Variants in IGF1R observed in about 807,000 individuals in gnomAD.
The protein encoded by IGF1R is insulin-like growth factor 1 receptor.
In IGF1R, 44 loss-of-function variants were observed where a neutral mutation model predicts 144.6. That is an observed-to-expected ratio of 0.30 (90% confidence interval 0.24 to 0.39). The LOEUF is 0.39. IGF1R is among the 10% of genes least tolerant of loss of function. The pLI is 1.00. For missense variants in IGF1R, 1,355 were observed against 1,833.7 expected, an observed-to-expected ratio of 0.74 and a Z score of 4.77; for synonymous variants, 795 against 722.8, an observed-to-expected ratio of 1.10 and a Z score of -1.60.
rs777591724 is a variant in IGF1R, at chr15:98,899,641, T to C, written c.1247+20T>C. 2 of 1,612,316 alleles carry C rather than the reference T, an allele frequency of 1.2e-6. No homozygotes were observed. The highest frequency in any genetic ancestry group is 1.7e-5 in the Admixed American group (1 of 60,014). ...AGAAGGGTAAGTGCCCCAAATTTCA[T>C]GAGCTGACGTTCTATTACAAAATAA... On this transcript the variant is annotated intron_variant, in intron 5 of 20. Transcript: ENST00000650285.
chr15:98,901,902 C>T (rs141402652), intron 5 of IGF1R, among the ~76,000 whole-genome samples: 16 of 152,218 alleles, frequency 1.1e-4, no homozygotes, highest in Non-Finnish European at 2.2e-4. Context: ...GCAACTAACA[C>T]TGGAGAGGTG....
chr15:98,852,729 C>T (rs1444968604), intron 2 of IGF1R, among the ~76,000 whole-genome samples: 1 of 152,196 alleles, frequency 6.6e-6, no homozygotes, highest in Non-Finnish European at 1.5e-5. Flanking sequence ...CTCCCGCCGT[C>T]GCTGCAGTTG....
At chr15:98,945,719 G>A (rs1445263366) in intron 19 of IGF1R, among the ~76,000 whole-genome samples, 2 of 152,162 alleles carry the variant, frequency 1.3e-5, no homozygotes, top group Non-Finnish European at 2.9e-5. Flanking sequence ...AGAAGTCTGC[G>A]GTACCTGAAT....
At chr15:98,814,426 C>T (rs562792878) in intron 2 of IGF1R, among the ~76,000 whole-genome samples, 4 of 152,172 alleles carry the variant, frequency 2.6e-5, no homozygotes, top group Non-Finnish European at 5.9e-5. Flanking sequence ...TCATAGCTCA[C>T]TGCAACCTCA....
intron 2 of IGF1R, among the ~76,000 whole-genome samples, chr15:98,876,636 G>C (rs2013075519): frequency 6.6e-6 from 1 of 152,192 alleles, no homozygotes; most frequent in South Asian, 2.1e-4. Flanking sequence ...ATCTTTGCGA[G>C]AACATTCCAA....
chr15:98,733,061 G>A (rs1296439999), intron 2 of IGF1R, among the ~76,000 whole-genome samples: 2 of 152,156 alleles, frequency 1.3e-5, no homozygotes, highest in African/African-American at 4.8e-5. Context: ...CTGCTACACA[G>A]AAAGATGTCT....
chr15:98,753,566 T>C (rs2055075609), intron 2 of IGF1R, among the ~76,000 whole-genome samples: 2 of 151,266 alleles, frequency 1.3e-5, no homozygotes, highest in East Asian at 1.9e-4. Context: ...AAATTCCTGC[T>C]CTTCAAGGAG....
Position 98,747,442 on chromosome 15 carries a change from C to T in IGF1R, c.640+39335C>T, listed in dbSNP as rs537132411. Among the ~76,000 whole-genome samples, 18 of 152,240 alleles carry T rather than the reference C, an allele frequency of 1.2e-4. No homozygotes were observed. The South Asian group carries it at 1.5e-3, about 12-fold the overall frequency. ...CGAACTCCTGACCTGGTGATCCGCC[C>T]GCCTCGGCCTCCCAAAGTGCTGGGA... is the stretch of plus-strand genomic sequence containing the variant. On this transcript the variant is annotated intron_variant, in intron 2 of 20. Coordinates refer to ENST00000650285, the MANE Select transcript of IGF1R (RefSeq NM_000875.5).
intron 2 of IGF1R, among the ~76,000 whole-genome samples, chr15:98,889,009 T>C (rs1211624664): frequency 6.6e-6 from 1 of 152,204 alleles, no homozygotes; most frequent in African/African-American, 2.4e-5. Context: ...CTCTTTGTTC[T>C]CAGGAGTCTT....
chr15:98,815,229 T>G lies in IGF1R; in HGVS notation c.641-76096T>G, dbSNP rs539396192. Among the ~76,000 whole-genome samples the G allele has an allele frequency of 2.0e-5, 3 of 152,370 alleles. No individual in the cohort carries two copies. The South Asian group carries it at 6.2e-4, about 32-fold the overall frequency. ...GGCTCTTGGGGCAAACCAGCTCTCT[T>G]CTGGTGAAAGAACTTTCTGGATGAG... On this transcript the variant is annotated intron_variant, in intron 2 of 20. Coordinates refer to ENST00000650285, the MANE Select transcript of IGF1R (RefSeq NM_000875.5).
chr15:98,677,043 C>G (rs2053065243), intron 1 of IGF1R, among the ~76,000 whole-genome samples: 1 of 152,100 alleles, frequency 6.6e-6, no homozygotes, highest in African/African-American at 2.4e-5. Flanking sequence ...TCAAGTAATC[C>G]TCCACCTCAG....
Position 98,963,529 on chromosome 15 carries a change from G to C in IGF1R, c.*6087G>C, listed in dbSNP as rs1024253952. On this transcript the variant is annotated 3_prime_UTR_variant, in exon 21 of 21. Coordinates refer to ENST00000650285, the MANE Select transcript of IGF1R (RefSeq NM_000875.5). ...AGGTGTTGGAGCCCAGCAGTGCATGGCACCGTTCGGCATCTGGCTTGATTG... is the reference window on the plus strand; with the variant it reads ...AGGTGTTGGAGCCCAGCAGTGCATGCCACCGTTCGGCATCTGGCTTGATTG... The C allele has an allele frequency of 4.3e-5, 10 of 233,094 alleles. No individual in the cohort carries two copies. The highest frequency in any genetic ancestry group is 6.8e-5 in the Non-Finnish European group (8 of 118,026). The allele number at this position is 233,094 out of a possible 1,614,324, so 14.4% of individuals were successfully genotyped here. A position where few individuals can be genotyped will look rare whatever the true frequency, so the allele number is the denominator to read the frequency against.
intron 13 of IGF1R, among the ~76,000 whole-genome samples, chr15:98,928,594 A>G (rs1358419581): frequency 6.6e-6 from 1 of 152,340 alleles, no homozygotes; most frequent in South Asian, 2.1e-4. Context: ...CCATTTCCCC[A>G]CAACCCCCAA....
chr15:98,760,035 TTC>T (rs1433996960), intron 2 of IGF1R, among the ~76,000 whole-genome samples: 1 of 152,190 alleles, frequency 6.6e-6, no homozygotes, highest in Non-Finnish European at 1.5e-5. Flanking sequence ...TGAATTGTGT[TTC>T]TCTTTTTAAA....
intron 2 of IGF1R, among the ~76,000 whole-genome samples, chr15:98,825,585 G>A (rs1338197372): frequency 6.6e-6 from 1 of 152,186 alleles, no homozygotes; most frequent in African/African-American, 2.4e-5. Context: ...TCTCAGTAAT[G>A]CCTGATGATC....
intron 1 of IGF1R, among the ~76,000 whole-genome samples, chr15:98,652,007 T>A (rs986677067): frequency 6.6e-6 from 1 of 151,556 alleles, no homozygotes; most frequent in Non-Finnish European, 1.5e-5. Flanking sequence ...TTCTTTCAGC[T>A]GTTGTCTGGT....
Position 98,807,567 on chromosome 15 carries a change from T to A in IGF1R, c.641-83758T>A, listed in dbSNP as rs1028139726. On this transcript the variant is annotated intron_variant, in intron 2 of 20. Transcript: ENST00000650285. The stretch of plus-strand genomic sequence containing the variant: ...CCAAAACATCCACTCAGCAGCCAGA[T>A]GGGATTTTATCCTTGTGCTGCCATT... Among the ~76,000 whole-genome samples the A allele has an allele frequency of 2.6e-5, 4 of 152,244 alleles. No homozygotes were observed. In the South Asian group the frequency reaches 8.3e-4, roughly 31 times the overall value.
chr15:98,721,461 C>T (rs1474708337), intron 2 of IGF1R, among the ~76,000 whole-genome samples: 1 of 152,206 alleles, frequency 6.6e-6, no homozygotes, highest in Non-Finnish European at 1.5e-5. Context: ...GGCTTGACCC[C>T]ACTTAGTGTC....
intron 2 of IGF1R, among the ~76,000 whole-genome samples, chr15:98,889,360 C>G (rs187333295): frequency 1.6e-3 from 238 of 152,284 alleles, no homozygotes; most frequent in African/African-American, 5.5e-3. Flanking sequence ...CTCTTGGAGG[C>G]AACTAGTGGG....
Sources: gnomAD v4.1 joint callset for allele counts (sites outside exome capture counted in the v4.1 genomes callset) on GRCh38, gnomAD v4.1.1 for gene constraint, MANE v1.5 for transcripts, NCBI Gene and HGNC (gene_info 2026-07-23, HGNC 2026-07-21) for gene names.